TRAPPC9: variants seen among roughly 807,000 people sequenced by gnomAD.
The protein encoded by TRAPPC9 is trafficking protein particle complex subunit 9, also known as IKK2 binding protein.
TRAPPC9 carries 83 observed loss-of-function variants against 124.0 expected under a neutral mutation model. That is an observed-to-expected ratio of 0.67 (90% CI 0.56 to 0.80). The LOEUF (loss-of-function observed/expected upper bound fraction) is 0.80, where lower values mean the gene tolerates loss of function less well. Among genes scored for constraint, TRAPPC9 ranks in the 30% least tolerant of loss-of-function variants. TRAPPC9 has a pLI of 0.00. For synonymous variants in TRAPPC9, 638 were observed against 617.5 expected (o/e 1.03, Z -0.49); for missense variants, 1,302 against 1,508.3 (o/e 0.86, Z 2.27).
chr8:139,757,162 G>A (rs1819889016), intron 21 of TRAPPC9, among the ~76,000 whole-genome samples: 1 of 137,394 alleles, frequency 7.3e-6, no homozygotes, highest in South Asian at 2.5e-4. Flanking sequence ...GGTCGCAGGA[G>A]GAGCCAGGGT....
chr8:139,889,399 C>T (rs190307764), intron 20 of TRAPPC9, among the ~76,000 whole-genome samples: 80 of 152,300 alleles, frequency 5.3e-4, no homozygotes, highest in Non-Finnish European at 2.4e-4. Flanking sequence ...CAGATATTTT[C>T]TAACCTCACT....
intron 17 of TRAPPC9, among the ~76,000 whole-genome samples, chr8:140,217,437 C>T (rs1025427305): frequency 1.3e-5 from 2 of 152,228 alleles, no homozygotes; most frequent in East Asian, 1.9e-4. Context: ...GAGAGGGTGC[C>T]GGTAGCAGTG....
chr8:140,300,557 C>T lies in TRAPPC9; in HGVS notation c.1680G>A (p.Leu560=). The T allele has an allele frequency of 6.2e-7, 1 of 1,614,248 alleles. No individual in the cohort carries two copies. The highest frequency in any genetic ancestry group is 1.3e-5 in the African/African-American group (1 of 75,064). ...ASLRPHKMKS[L]LGQNVSTKSP... ...TTTTGGTTGACACGTTCTGACCCAG[C>T]AAGCTTTTCATTTTGTGTGGCCGGA... The change falls in exon 11 of 23, where the codon TTG becomes TTA. Residue 560 remains leucine, a synonymous_variant. Transcript: ENST00000438773.
At chr8:140,371,844 C>CA (rs1267069219) in intron 7 of TRAPPC9, among the ~76,000 whole-genome samples, 2 of 152,142 alleles carry the variant, frequency 1.3e-5, no homozygotes, top group Non-Finnish European at 2.9e-5. Flanking sequence ...GCTGAGATTA[C>CA]AAGCACCCAC....
At chr8:140,096,025 A>G (rs1460973660) in intron 17 of TRAPPC9, 1 of 152,206 alleles carries the variant, frequency 6.6e-6, no homozygotes, top group African/African-American at 2.4e-5. Context: ...CTCTGTATCA[A>G]GAGTATACCA....
At chr8:140,047,573 G>A (rs920143515) in intron 17 of TRAPPC9, among the ~76,000 whole-genome samples, 10 of 152,198 alleles carry the variant, frequency 6.6e-5, no homozygotes, top group African/African-American at 2.2e-4. Context: ...AGAGTGGGCT[G>A]GCTGGGCCCA....
rs959984739 is a variant in TRAPPC9 at position 139,742,262 on chromosome 8, C to A, written c.3056-10060G>T. Among the ~76,000 whole-genome samples the A allele has an allele frequency of 2.0e-5, 3 of 152,190 alleles. No homozygotes were observed. The highest frequency in any genetic ancestry group is 6.5e-5 in the Admixed American group (1 of 15,278). The stretch of plus-strand genomic sequence containing the variant: ...CTCACGTGCGTTCTCCCGATCTACC[C>A]CCAACCGGCCATGCTGCCGGCGCTC... On this transcript the variant is annotated intron_variant, in intron 21 of 22. Transcript: ENST00000438773. The surrounding 1 kb of genome is among the most constrained non-coding windows in gnomAD (Gnocchi z 4.7).
chr8:140,413,398 T>TAATA (rs922999680), intron 5 of TRAPPC9, among the ~76,000 whole-genome samples: 3 of 151,012 alleles, frequency 2.0e-5, no homozygotes, highest in Non-Finnish European at 4.4e-5. Flanking sequence ...AAAAAAATAA[T>TAATA]AATAAATAAA....
At chr8:139,775,059 G>A (rs1821267240) in intron 21 of TRAPPC9, among the ~76,000 whole-genome samples, 1 of 152,206 alleles carries the variant, frequency 6.6e-6, no homozygotes, top group South Asian at 2.1e-4. Flanking sequence ...GAATGTCTAA[G>A]GGCCAGAGTG....
intron 14 of TRAPPC9, among the ~76,000 whole-genome samples, chr8:140,280,498 G>T (rs562881370): frequency 6.6e-6 from 1 of 152,044 alleles, no homozygotes; most frequent in Non-Finnish European, 1.5e-5. Context: ...TCGCGATCTC[G>T]GCTCACTGCA....
chr8:140,202,821 AC>A (rs1311266637), intron 17 of TRAPPC9, among the ~76,000 whole-genome samples: 1 of 152,240 alleles, frequency 6.6e-6, no homozygotes, highest in Non-Finnish European at 1.5e-5. Context: ...TACCAACTTC[AC>A]CTATGAAGTA....
intron 21 of TRAPPC9, among the ~76,000 whole-genome samples, chr8:139,798,641 C>T (rs541046854): frequency 1.3e-5 from 2 of 152,264 alleles, no homozygotes; most frequent in Admixed American, 6.5e-5. Context: ...CTGTCAAGAG[C>T]GTAAATACGG....
At chr8:139,842,583 C>T (rs533079654) in intron 21 of TRAPPC9, among the ~76,000 whole-genome samples, 1 of 152,060 alleles carries the variant, frequency 6.6e-6, no homozygotes, top group East Asian at 1.9e-4. Context: ...AACATCCGCT[C>T]TCGCCTTCGT....
chr8:140,389,227 G>A (rs1039558602), intron 7 of TRAPPC9, among the ~76,000 whole-genome samples: 1 of 152,162 alleles, frequency 6.6e-6, no homozygotes, highest in Non-Finnish European at 1.5e-5. Context: ...AAAGTGCTGG[G>A]ACTACAGGCG....
intron 17 of TRAPPC9, among the ~76,000 whole-genome samples, chr8:140,105,557 T>C (rs1213088172): frequency 6.6e-6 from 1 of 152,154 alleles, no homozygotes; most frequent in African/African-American, 2.4e-5. Context: ...GTGCCCTATC[T>C]TTTCACGCTT....
intron 21 of TRAPPC9, among the ~76,000 whole-genome samples, chr8:139,877,926 ACTC>A (rs1411445689): frequency 6.6e-6 from 1 of 151,922 alleles, no homozygotes; most frequent in Non-Finnish European, 1.5e-5. Flanking sequence ...CTCAGCGCTG[ACTC>A]CTTGCCAGTC....
intron 19 of TRAPPC9, among the ~76,000 whole-genome samples, chr8:139,913,388 C>T (rs117937184): frequency 8.5e-5 from 13 of 152,340 alleles, no homozygotes; most frequent in Non-Finnish European, 1.0e-4. Flanking sequence ...CCTCTGGGTG[C>T]CCAAGCCATC....
At chr8:140,154,314 C>T (rs184246267) in intron 17 of TRAPPC9, among the ~76,000 whole-genome samples, 2 of 152,306 alleles carry the variant, frequency 1.3e-5, no homozygotes, top group East Asian at 3.9e-4. Context: ...TCTGGCTCCA[C>T]ATCCACTTTA....
In TRAPPC9 at chr8:139,740,381, C is replaced by T. The variant is rs577401292; in HGVS notation, c.3056-8179G>A. Among the ~76,000 whole-genome samples, 209 of 152,338 alleles carry T rather than the reference C, an allele frequency of 1.4e-3. 1 individual carries two copies. The highest frequency in any genetic ancestry group is 4.8e-3 in the African/African-American group (201 of 41,580). On this transcript the variant is annotated intron_variant, in intron 21 of 22. Coordinates refer to ENST00000438773, the MANE Select transcript of TRAPPC9 (RefSeq NM_001160372.4). The stretch of plus-strand genomic sequence containing the variant: ...CCCGCCAGGGAGGGGCTTGGCAGGG[C>T]ACAGAGAAAGGAAGCCATTGGCCAG...
Sources: allele counts gnomAD v4.1 joint callset (sites outside exome capture counted in the v4.1 genomes callset), GRCh38; gene constraint gnomAD v4.1.1; non-coding constraint Gnocchi (gnomAD v3.1); transcripts MANE v1.5; gene names NCBI Gene and HGNC (gene_info 2026-07-23, HGNC 2026-07-21).